The following KCNQ3 variants were observed in gnomAD, a reference collection of about 807,000 sequenced individuals.
KCNQ3 encodes potassium voltage-gated channel subfamily Q member 3, also known as potassium voltage-gated channel subfamily KQT member 3.
In KCNQ3, 30 loss-of-function variants were observed where a neutral mutation model predicts 92.5. The ratio of observed to expected loss-of-function variants is 0.32; its 90% confidence interval spans 0.24 to 0.44. The LOEUF is 0.44. KCNQ3 is among the 20% of genes least tolerant of loss of function. The probability of loss-of-function intolerance (pLI) is 1.00; values close to 1 mark genes in which losing one functional copy is unlikely to be tolerated. For synonymous variants in KCNQ3, 450 were observed against 468.8 expected (o/e 0.96, Z 0.52); for missense variants, 913 against 1,140.3 (o/e 0.80, Z 2.87).
intron 1 of KCNQ3, among the ~76,000 whole-genome samples, chr8:132,334,736 G>A (rs921700593): frequency 6.6e-6 from 1 of 152,156 alleles, no homozygotes; most frequent in Non-Finnish European, 1.5e-5. Flanking sequence ...ACATTCAAGA[G>A]CGTTTCTTGT....
At chr8:132,152,195 A>G (rs1008224723) in intron 9 of KCNQ3, among the ~76,000 whole-genome samples, 5 of 152,246 alleles carry the variant, frequency 3.3e-5, no homozygotes, top group African/African-American at 1.2e-4. Context: ...GAAAAAATGT[A>G]CAGGACTCAT....
intron 1 of KCNQ3, among the ~76,000 whole-genome samples, chr8:132,408,374 G>A (rs908376898): frequency 9.9e-5 from 15 of 152,206 alleles, no homozygotes; most frequent in East Asian, 5.8e-4. Context: ...TTCTGTGCAC[G>A]CTCTGGTCTT....
intron 1 of KCNQ3, among the ~76,000 whole-genome samples, chr8:132,365,348 T>G (rs575258726): frequency 6.6e-6 from 1 of 152,338 alleles, no homozygotes; most frequent in African/African-American, 2.4e-5. Flanking sequence ...TGAACTAATT[T>G]AATTCTTACA....
At chr8:132,183,269 G>A (rs923396111) in intron 3 of KCNQ3, among the ~76,000 whole-genome samples, 1 of 152,178 alleles carries the variant, frequency 6.6e-6, no homozygotes, top group East Asian at 1.9e-4. Context: ...AGACTCTTCT[G>A]GAGTAGAGAG....
chr8:132,340,680 C>T (rs1174282422), intron 1 of KCNQ3, among the ~76,000 whole-genome samples: 2 of 152,094 alleles, frequency 1.3e-5, no homozygotes, highest in Non-Finnish European at 2.9e-5. Flanking sequence ...TGGGGCTTAA[C>T]ACCTAGATGA....
intron 1 of KCNQ3, among the ~76,000 whole-genome samples, chr8:132,441,904 A>G (rs1345263272): frequency 9.2e-5 from 14 of 152,244 alleles, no homozygotes. Context: ...CATAAAAAAA[A>G]TGAGATCATG....
At chr8:132,340,610 G>T (rs7004085) in intron 1 of KCNQ3, among the ~76,000 whole-genome samples, 1 of 151,634 alleles carries the variant, frequency 6.6e-6, no homozygotes, top group African/African-American at 2.4e-5. Flanking sequence ...AGGGCCTATT[G>T]GGGGGTGGTG....
At chr8:132,438,562 C>T (rs1387605663) in intron 1 of KCNQ3, among the ~76,000 whole-genome samples, 4 of 152,112 alleles carry the variant, frequency 2.6e-5, no homozygotes, top group Admixed American at 6.6e-5. Context: ...ACCCCTGCAA[C>T]GTGTGGGTGC....
rs1014504087 is a variant in KCNQ3 at position 132,121,190 on chromosome 8, A to G, written c.*8072T>C. On this transcript the variant is annotated 3_prime_UTR_variant, in exon 15 of 15. Coordinates refer to ENST00000388996, the MANE Select transcript of KCNQ3 (RefSeq NM_004519.4). ...AAAAGGGGTTAAAAAATACAATCCA[A>G]AATCAAATATAATGGATTCATGTCA... 1.3e-5 allele frequency: 2 copies of G among 152,196 alleles called. No individual in the cohort carries two copies. The highest frequency in any genetic ancestry group is 2.9e-5 in the Non-Finnish European group (2 of 68,042). The allele number at this position is 152,196 out of a possible 1,614,324, so 9.4% of individuals were successfully genotyped here. A position where few individuals can be genotyped will look rare whatever the true frequency, so the allele number is the denominator to read the frequency against.
At chr8:132,192,487 G>T (rs373318596) in intron 1 of KCNQ3, among the ~76,000 whole-genome samples, 73 of 152,312 alleles carry the variant, frequency 4.8e-4, no homozygotes, top group African/African-American at 1.7e-3. Context: ...GTCTTGACGT[G>T]AGAGCCGCCC....
chr8:132,170,927 G>A (rs1826319736), intron 7 of KCNQ3, among the ~76,000 whole-genome samples: 1 of 152,006 alleles, frequency 6.6e-6, no homozygotes, highest in African/African-American at 2.4e-5. Context: ...GCTGAAGTGG[G>A]AGGATAAATT....
chr8:132,473,667 A>G (rs567929363), intron 1 of KCNQ3, among the ~76,000 whole-genome samples: 6 of 152,296 alleles, frequency 3.9e-5, no homozygotes, highest in African/African-American at 1.2e-4. Flanking sequence ...TACTTACAAC[A>G]CTTCTCAGAT....
At chr8:132,259,980 T>C (rs537775669) in intron 1 of KCNQ3, among the ~76,000 whole-genome samples, 7 of 152,256 alleles carry the variant, frequency 4.6e-5, no homozygotes, top group South Asian at 4.1e-4. Context: ...CTACAAAACA[T>C]TGTTGACATT....
intron 9 of KCNQ3, among the ~76,000 whole-genome samples, chr8:132,147,270 A>T (rs1286480125): frequency 6.6e-6 from 1 of 152,206 alleles, no homozygotes; most frequent in Non-Finnish European, 1.5e-5. Context: ...AAAAAGATTG[A>T]TAAATAACCA....
chr8:132,219,630 CT>C (rs907406428), intron 1 of KCNQ3, among the ~76,000 whole-genome samples: 1,977 of 147,186 alleles, frequency 0.013, 21 homozygotes, highest in African/African-American at 0.035. Context: ...CTCCTTGAAT[CT>C]TTTTTTTTTT....
Position 132,323,992 on chromosome 8 carries a change from A to G in KCNQ3, c.387-137811T>C, listed in dbSNP as rs545368943. On this transcript the variant is annotated intron_variant, in intron 1 of 14. Transcript: ENST00000388996. ...CCTCCTCTCCCATGGCTACTTCTAC[A>G]TCAGCAGTGTAGGGTTCAGAAATTC... Among the ~76,000 whole-genome samples the G allele has an allele frequency of 1.3e-4, 20 of 152,318 alleles. No individual in the cohort carries two copies. In the East Asian group the frequency reaches 3.9e-3, roughly 29 times the overall value.
At chr8:132,282,911 A>G (rs1414259533) in intron 1 of KCNQ3, among the ~76,000 whole-genome samples, 1 of 152,124 alleles carries the variant, frequency 6.6e-6, no homozygotes, top group Non-Finnish European at 1.5e-5. Context: ...GGTGAGAAAA[A>G]AGCCGGCAGG....
intron 1 of KCNQ3, among the ~76,000 whole-genome samples, chr8:132,277,160 T>C (rs1816361207): frequency 6.6e-6 from 1 of 152,114 alleles, no homozygotes; most frequent in Non-Finnish European, 1.5e-5. Context: ...CTATTCTAAG[T>C]TGAAAATCTA....
At chr8:132,391,881 A>T (rs1820057038) in intron 1 of KCNQ3, among the ~76,000 whole-genome samples, 1 of 152,128 alleles carries the variant, frequency 6.6e-6, no homozygotes, top group African/African-American at 2.4e-5. Context: ...TGCACTGGCG[A>T]GGGTGGGTAT....
Sources: allele counts gnomAD v4.1 joint callset (sites outside exome capture counted in the v4.1 genomes callset), GRCh38; gene constraint gnomAD v4.1.1; transcripts MANE v1.5; gene names NCBI Gene and HGNC (gene_info 2026-07-23, HGNC 2026-07-21).